The following SIGIRR variants were observed in gnomAD, a reference collection of about 807,000 sequenced individuals.
SIGIRR encodes the protein single Ig and TIR domain containing.
SIGIRR carries 41 observed loss-of-function variants against 45.6 expected under a neutral mutation model. The ratio of observed to expected loss-of-function variants is 0.90; its 90% CI spans 0.70 to 1.17. The LOEUF is 1.17. Ranked by LOEUF, SIGIRR falls within the 50% of genes most tolerant of loss-of-function variation. The pLI, the probability that SIGIRR is intolerant of heterozygous loss-of-function variation, is 0.00. For missense variants in SIGIRR, 599 were observed against 539.6 expected, an observed-to-expected ratio of 1.11 and a Z score of -1.09; for synonymous variants, 298 against 239.0, an observed-to-expected ratio of 1.25 and a Z score of -2.28.
At chr11:416,948 G>A (rs1847903023), upstream of SIGIRR, among the ~76,000 whole-genome samples, 1 of 152,166 alleles carries the variant, frequency 6.6e-6, no homozygotes, top group Admixed American at 6.5e-5. This position sits in a 1 kb window ranked among gnomAD's most constrained non-coding sequence, Gnocchi z 9.1. Flanking sequence ...GTCCGCCCTC[G>A]GCGCCTCAGG....
At chr11:406,304 T>G in intron 9 of SIGIRR, 45 bp downstream of exon 9, 1 of 1,599,616 alleles carries the variant, frequency 6.3e-7, no homozygotes, top group Non-Finnish European at 8.5e-7. Flanking sequence ...CACTCCGCCC[T>G]GTGCTGAGCT....
At chr11:413,616 G>A (rs1236726510) in intron 1 of SIGIRR, among the ~76,000 whole-genome samples, 1 of 151,760 alleles carries the variant, frequency 6.6e-6, no homozygotes, top group African/African-American at 2.4e-5. Context: ...GAAAGCAGGT[G>A]CCCTCCCCTG....
Position 409,867 on chromosome 11 carries a change from C to A in SIGIRR, c.7+1G>T. 1 of 1,331,806 alleles carries A rather than the reference C, an allele frequency of 7.5e-7. No individual in the cohort carries two copies. Among genetic ancestry groups the A allele is most frequent in the Non-Finnish European group, 9.7e-7 (1 of 1,034,754 alleles). The allele number at this position is 1,331,806 out of a possible 1,614,324, so 82.5% of individuals were successfully genotyped here. On this transcript the variant is annotated splice_donor_variant, in intron 2 of 9. Transcript: ENST00000431843. LOFTEE classifies it high-confidence loss of function. Reference sequence around the variant, plus strand: ...AGCCCATCCCTCTCTGACCTGCCTACCTGGCATGGCTCTGAGCCGGGGCCT... The same window carrying A: ...AGCCCATCCCTCTCTGACCTGCCTAACTGGCATGGCTCTGAGCCGGGGCCT...
chr11:412,866 C>T lies in SIGIRR; in HGVS notation c.-154+1957G>A, dbSNP rs112228883. ...TGCGGTTGTGAGGCCGGAGGGTGAA[C>T]AGCGCCCGGTGGGGATGGAGGTCTC... On this transcript the variant is annotated intron_variant, in intron 1 of 9. Transcript: ENST00000431843. Among the ~76,000 whole-genome samples the T allele has an allele frequency of 4.0e-3, 613 of 152,252 alleles. 9 individuals carry two copies. The highest frequency in any genetic ancestry group is 0.014 in the African/African-American group (587 of 41,542).
upstream of SIGIRR, among the ~76,000 whole-genome samples, chr11:416,827 C>T (rs1035494070): frequency 2.6e-5 from 4 of 152,136 alleles, no homozygotes; most frequent in Non-Finnish European, 4.4e-5. This position sits in a 1 kb window ranked among gnomAD's most constrained non-coding sequence, Gnocchi z 9.1. Context: ...AGGACGCGCG[C>T]GGGAGGCGGG....
chr11:408,661 G>T (rs767062932), intron 3 of SIGIRR, 34 bp downstream of exon 3: 1 of 1,610,332 alleles, frequency 6.2e-7, no homozygotes. Flanking sequence ...ATGTCTGAGA[G>T]GTCACTCTGA....
intron 1 of SIGIRR, among the ~76,000 whole-genome samples, chr11:412,809 A>ACACCTCGGGAAC (rs1174318787): frequency 6.6e-6 from 1 of 152,078 alleles, no homozygotes; most frequent in Non-Finnish European, 1.5e-5. Flanking sequence ...ACCTCGGGAA[A>ACACCTCGGGAAC]CACCTCGGGA....
At chr11:414,567 C>T (rs983914558) in intron 1 of SIGIRR, among the ~76,000 whole-genome samples, 1 of 152,122 alleles carries the variant, frequency 6.6e-6, no homozygotes, top group African/African-American at 2.4e-5. Flanking sequence ...AGGCTGCAGA[C>T]CCCTCACACA....
At position 408,905 on chromosome 11, in the gene SIGIRR, G is replaced by A. The variant is rs754417289; in HGVS notation, c.8-12C>T. 31 of 1,611,794 alleles carry A rather than the reference G, an allele frequency of 1.9e-5. No homozygotes were observed. The highest frequency in any genetic ancestry group is 3.3e-5 in the South Asian group (3 of 91,078). ...CCTATCACAGACACCTGAAGAGAGA[G>A]GACACAGTGGGTCAGCTGTGCCAGG... On this transcript the variant is annotated splice_polypyrimidine_tract_variant and intron_variant, in intron 2 of 9. Transcript: ENST00000431843.
At position 409,410 on chromosome 11, in the gene SIGIRR, C is replaced by T. The variant is rs546751774; in HGVS notation, c.7+458G>A. Reference sequence around the variant, plus strand: ...CAGCTGGGAGCCTGGAGCAGTTGGCCTCATTCCTGCCTTGGGGGTCTTGGG... The same window carrying T: ...CAGCTGGGAGCCTGGAGCAGTTGGCTTCATTCCTGCCTTGGGGGTCTTGGG... On this transcript the variant is annotated intron_variant, in intron 2 of 9. Coordinates refer to ENST00000431843, the MANE Select transcript of SIGIRR (RefSeq NM_001135054.2). 8.0e-5 allele frequency: 21 copies of T among 262,028 alleles called. No homozygotes were observed. In the South Asian group the frequency reaches 1.1e-3, roughly 14 times the overall value. 16.2% of individuals were successfully genotyped at this position (262,028 alleles called of 1,614,324 possible).
chr11:416,159 C>T (rs776136141), upstream of SIGIRR, among the ~76,000 whole-genome samples: 7 of 152,142 alleles, frequency 4.6e-5, no homozygotes, highest in Non-Finnish European at 1.0e-4. This position sits in a 1 kb window ranked among gnomAD's most constrained non-coding sequence, Gnocchi z 9.1. Flanking sequence ...AGGTTCTCCC[C>T]ACACTGCAGG....
chr11:417,125 C>T (rs552683140), upstream of SIGIRR, among the ~76,000 whole-genome samples: 1 of 152,294 alleles, frequency 6.6e-6, no homozygotes, highest in South Asian at 2.1e-4. The surrounding 1 kb of genome is among the most constrained non-coding windows in gnomAD (Gnocchi z 4.2). Flanking sequence ...CCTCCCTTCC[C>T]CCAGCCCTGG....
chr11:413,754 A>C (rs1590392429), intron 1 of SIGIRR, among the ~76,000 whole-genome samples: 1 of 82,036 alleles, frequency 1.2e-5, no homozygotes, highest in African/African-American at 5.1e-5. Context: ...TCCCCTACGC[A>C]CCTTCCCCTG....
At chr11:406,240 G>A (rs1393825444) in intron 9 of SIGIRR, 109 bp downstream of exon 9, 9 of 1,544,044 alleles carry the variant, frequency 5.8e-6, no homozygotes, top group South Asian at 1.2e-5. Context: ...CCGGTGCCGG[G>A]AAGAGTCCTC....
Position 406,354 on chromosome 11 carries a change from T to TCGG in SIGIRR, c.1063_1064insCCG (p.Gly354_Asp355insAla). The TCGG allele has an allele frequency of 1.2e-6, 2 of 1,612,250 alleles. No homozygotes were observed. The highest frequency in any genetic ancestry group is 2.2e-5 in the South Asian group (2 of 91,068). On this transcript the variant is annotated inframe_insertion, in exon 9 of 10. Coordinates refer to ENST00000431843, the MANE Select transcript of SIGIRR (RefSeq NM_001135054.2). ...GTGGGGCTGGGCGGGCATACCCAGG[T>TCGG]CGCCCTCAGGGTCCGGGTCCACCTC...
intron 3 of SIGIRR, 109 bp downstream of exon 3, chr11:408,586 T>G: frequency 7.6e-7 from 1 of 1,307,838 alleles, no homozygotes; most frequent in Non-Finnish European, 1.1e-6. Flanking sequence ...GGCACTCTGC[T>G]CGTGACATGT....
At position 410,621 on chromosome 11, in the gene SIGIRR, G is replaced by GGC. The variant is rs1428636581; in HGVS notation, c.-153-595_-153-594insGC. Among the ~76,000 whole-genome samples the GGC allele has an allele frequency of 5.5e-3, 176 of 32,242 alleles. 4 individuals carry two copies. Among genetic ancestry groups the GGC allele is most frequent in the African/African-American group, 9.4e-3 (62 of 6,582 alleles). The allele number at this position is 32,242 out of a possible 152,430, so 21.2% of individuals were successfully genotyped here. A position where few individuals can be genotyped will look rare whatever the true frequency, so the allele number is the denominator to read the frequency against. On this transcript the variant is annotated intron_variant, in intron 1 of 9. Coordinates refer to ENST00000431843, the MANE Select transcript of SIGIRR (RefSeq NM_001135054.2). ...CTCTGACCATGTCTGGATGCAGTCG[G>GGC]GGGGGGGGGGTGCCCAGCTCTGACC... is the stretch of plus-strand genomic sequence containing the variant.
intron 1 of SIGIRR, among the ~76,000 whole-genome samples, chr11:411,599 G>A (rs189775176): frequency 2.4e-5 from 3 of 123,808 alleles, no homozygotes; most frequent in African/African-American, 5.8e-5. Context: ...TACAGTCGGC[G>A]GGGGGTGCCC....
upstream of SIGIRR, among the ~76,000 whole-genome samples, chr11:415,831 G>C (rs1243218391): frequency 1.3e-5 from 2 of 152,206 alleles, no homozygotes; most frequent in Non-Finnish European, 2.9e-5. This position sits in a 1 kb window ranked among gnomAD's most constrained non-coding sequence, Gnocchi z 6.6. Flanking sequence ...CCAGTGACCG[G>C]TGGCTGGTAT....
Sources: gnomAD v4.1 joint callset for allele counts (sites outside exome capture counted in the v4.1 genomes callset) on GRCh38, gnomAD v4.1.1 for gene constraint, Gnocchi (gnomAD v3.1) non-coding constraint, MANE v1.5 for transcripts, NCBI Gene and HGNC (gene_info 2026-07-23, HGNC 2026-07-21) for gene names.